The following PDE4D variants were observed in gnomAD, a reference collection of about 807,000 sequenced individuals.
PDE4D encodes phosphodiesterase 4D.
Under a neutral mutation model 87.4 loss-of-function variants are expected in PDE4D, and 24 were observed. The observed-to-expected ratio is 0.27, with a 90% CI of 0.20 to 0.39. The LOEUF is 0.39. Ranked by LOEUF, PDE4D falls within the 10% of genes least tolerant of loss-of-function variation. The probability of loss-of-function intolerance (pLI) is 1.00; values close to 1 mark genes in which losing one functional copy is unlikely to be tolerated. For missense variants in PDE4D, 714 were observed against 1,041.0 expected (o/e 0.69, Z 4.32); for synonymous variants, 384 against 383.2 (o/e 1.00, Z -0.02).
At chr5:59,994,838 C>T (rs763238906) in intron 2 of PDE4D, among the ~76,000 whole-genome samples, 2 of 152,116 alleles carry the variant, frequency 1.3e-5, no homozygotes, top group Non-Finnish European at 2.9e-5. Flanking sequence ...TAAAGGAGTT[C>T]AACCTATCTT....
At chr5:59,826,819 T>C (rs1353417138) in intron 1 of PDE4D, among the ~76,000 whole-genome samples, 6 of 152,116 alleles carry the variant, frequency 3.9e-5, no homozygotes. Context: ...TACTATCAAA[T>C]TGGTGCCAAA....
chr5:59,100,868 C>A (rs1770620339), intron 5 of PDE4D, among the ~76,000 whole-genome samples: 1 of 152,156 alleles, frequency 6.6e-6, no homozygotes, highest in Non-Finnish European at 1.5e-5. Context: ...TTTTTGAAAA[C>A]TACCCCTCTT....
At chr5:59,635,967 A>G (rs1474933866) in intron 1 of PDE4D, among the ~76,000 whole-genome samples, 1 of 152,208 alleles carries the variant, frequency 6.6e-6, no homozygotes, top group Non-Finnish European at 1.5e-5. Context: ...GGATGACATG[A>G]CTGTATATTT....
At chr5:59,565,117 G>C (rs1250795915) in intron 1 of PDE4D, among the ~76,000 whole-genome samples, 1 of 152,178 alleles carries the variant, frequency 6.6e-6, no homozygotes, top group Non-Finnish European at 1.5e-5. Context: ...AAAGAGGCTG[G>C]AAGAATGTGT....
At position 59,586,598 on chromosome 5, in the gene PDE4D, C is replaced by T. The variant is rs1297889150; in HGVS notation, c.455+306570G>A. 11 of 1,338,036 alleles carry T rather than the reference C, an allele frequency of 8.2e-6. No homozygotes were observed. The East Asian group carries it at 3.2e-4, about 38-fold the overall frequency. The allele number at this position is 1,338,036 out of a possible 1,614,324, so 82.9% of individuals were successfully genotyped here. A position where few individuals can be genotyped will look rare whatever the true frequency, so the allele number is the denominator to read the frequency against. ...TTGAAAAAAGAAACATCACAGAGCA[C>T]TGCAGGTATGGGTCCATCCATTTAG... is the stretch of plus-strand genomic sequence containing the variant. On this transcript the variant is annotated intron_variant, in intron 1 of 14. Transcript: ENST00000340635.
chr5:59,563,116 G>T (rs756738604), intron 1 of PDE4D, among the ~76,000 whole-genome samples: 1 of 152,154 alleles, frequency 6.6e-6, no homozygotes, highest in Non-Finnish European at 1.5e-5. Context: ...GGGCCCCTCT[G>T]GGCATTGCCA....
At chr5:60,333,593 AAC>A (rs1757490936) in intron 1 of PDE4D, among the ~76,000 whole-genome samples, 1 of 152,204 alleles carries the variant, frequency 6.6e-6, no homozygotes, top group Non-Finnish European at 1.5e-5. Context: ...GTGTGGCCTG[AAC>A]AAAGTATTAT....
At chr5:60,460,696 T>G (rs56205550) in intron 1 of PDE4D, 2 of 949,190 alleles carry the variant, frequency 2.1e-6, no homozygotes, top group Admixed American at 3.9e-5. Flanking sequence ...CATTCTTGGT[T>G]TCTTCTTTTG....
intron 1 of PDE4D, among the ~76,000 whole-genome samples, chr5:59,566,133 T>C (rs560838500): frequency 6.6e-6 from 1 of 152,234 alleles, no homozygotes; most frequent in Admixed American, 6.5e-5. Context: ...TGGGTAACAT[T>C]TGAATTTTCC....
chr5:59,930,579 G>C (rs2152787528), intron 3 of PDE4D, among the ~76,000 whole-genome samples: 1 of 152,244 alleles, frequency 6.6e-6, no homozygotes, highest in Non-Finnish European at 1.5e-5. Flanking sequence ...ATAAATTTCT[G>C]TTGTTTTAAA....
chr5:59,571,299 A>G (rs1821803217), intron 1 of PDE4D, among the ~76,000 whole-genome samples: 1 of 152,218 alleles, frequency 6.6e-6, no homozygotes, highest in African/African-American at 2.4e-5. Context: ...GCACTTAGCA[A>G]TGATGAATTG....
In PDE4D at chr5:60,431,495, C is replaced by T. The variant is rs563322334; in HGVS notation, c.-90+56447G>A. Among the ~76,000 whole-genome samples the T allele has an allele frequency of 1.8e-4, 28 of 151,690 alleles. No individual in the cohort carries two copies. The South Asian group carries it at 3.8e-3, about 20-fold the overall frequency. On this transcript the variant is annotated intron_variant, in intron 1 of 16. Coordinates refer to the PDE4D transcript ENST00000502484. Reference sequence around the variant, plus strand: ...CGATGGGCGGCCGGGCAGAGACGCTCCTCACTTCCTAGATGGGATGGAGGT... The same window carrying T: ...CGATGGGCGGCCGGGCAGAGACGCTTCTCACTTCCTAGATGGGATGGAGGT...
chr5:60,502,490 T>A (rs1169203856), intron 1 of PDE4D, among the ~76,000 whole-genome samples: 1 of 152,090 alleles, frequency 6.6e-6, no homozygotes, highest in Non-Finnish European at 1.5e-5. Context: ...ATGCGGGATC[T>A]TTTTTGGTGC....
chr5:59,391,733 T>C (rs2153608423), intron 1 of PDE4D, among the ~76,000 whole-genome samples: 1 of 152,140 alleles, frequency 6.6e-6, no homozygotes, highest in South Asian at 2.1e-4. Flanking sequence ...ACCTTCTTAC[T>C]GTCCCTCCAT....
intron 1 of PDE4D, among the ~76,000 whole-genome samples, chr5:60,376,790 G>GTTC (rs1761467150): frequency 1.3e-5 from 2 of 152,158 alleles, no homozygotes; most frequent in South Asian, 4.1e-4. Flanking sequence ...AGCAAGTGAT[G>GTTC]TTCTTTCCAC....
At chr5:59,085,656 T>C (rs1490302543) in intron 5 of PDE4D, among the ~76,000 whole-genome samples, 2 of 152,150 alleles carry the variant, frequency 1.3e-5, no homozygotes, top group Admixed American at 1.3e-4. Flanking sequence ...CGGCAAAATG[T>C]GCGGATACCC....
chr5:59,161,613 T>A (rs1441591075), intron 5 of PDE4D, among the ~76,000 whole-genome samples: 1 of 152,210 alleles, frequency 6.6e-6, no homozygotes, highest in African/African-American at 2.4e-5. Flanking sequence ...CATGTCTGAC[T>A]TCCTTTGCGG....
intron 1 of PDE4D, among the ~76,000 whole-genome samples, chr5:60,210,289 A>C (rs1476992711): frequency 6.6e-6 from 1 of 152,128 alleles, no homozygotes; most frequent in Non-Finnish European, 1.5e-5. Flanking sequence ...AAAAAATTAT[A>C]TATAAATCCT....
chr5:59,627,667 T>A (rs73099674), intron 1 of PDE4D, among the ~76,000 whole-genome samples: 2,801 of 152,286 alleles, frequency 0.018, 84 homozygotes, highest in African/African-American at 0.063. Context: ...CCTTGAAGCA[T>A]CAGATTTTTA....
Sources: gnomAD v4.1 joint callset for allele counts (sites outside exome capture counted in the v4.1 genomes callset) on GRCh38, gnomAD v4.1.1 for gene constraint, MANE v1.5 for transcripts, NCBI Gene and HGNC (gene_info 2026-07-23, HGNC 2026-07-21) for gene names.